The following CPNE4 variants were observed in gnomAD, a reference collection of about 807,000 sequenced individuals.
CPNE4 encodes the protein copine 4.
In CPNE4, 25 loss-of-function variants were observed where a neutral mutation model predicts 67.9. The observed-to-expected ratio is 0.37, with a 90% CI of 0.27 to 0.51. The LOEUF (loss-of-function observed/expected upper bound fraction) is 0.51. Ranked by LOEUF, CPNE4 falls within the 20% of genes least tolerant of loss-of-function variation. The pLI is 0.93. For synonymous variants in CPNE4, 242 were observed against 244.9 expected (o/e 0.99, Z 0.11); for missense variants, 464 against 690.8 (o/e 0.67, Z 3.68).
intron 7 of CPNE4, among the ~76,000 whole-genome samples, chr3:131,625,157 A>G (rs1223788196): frequency 6.6e-6 from 1 of 152,060 alleles, no homozygotes; most frequent in African/African-American, 2.4e-5. Context: ...TTTCTTATCT[A>G]AACAAAAGTT....
chr3:131,686,453 G>A (rs1030025662), intron 5 of CPNE4, among the ~76,000 whole-genome samples: 3 of 152,122 alleles, frequency 2.0e-5, no homozygotes, highest in African/African-American at 7.2e-5. Flanking sequence ...TTATTAAATA[G>A]TAGACAATGT....
At chr3:131,938,087 G>A (rs538535284) in intron 1 of CPNE4, among the ~76,000 whole-genome samples, 5 of 149,166 alleles carry the variant, frequency 3.4e-5, no homozygotes, top group African/African-American at 4.9e-5. Context: ...GTCAGGTGCG[G>A]TGGTTTACAG....
rs371204357 is a variant in CPNE4, at chr3:131,616,503, G to C, written c.682-28921C>G. ...CTTGCAAAATCTTCCCAAACTAGAG[G>C]TAACCCAAATTCCTCTGGATAAAAA... On this transcript the variant is annotated intron_variant, in intron 7 of 15. Coordinates refer to ENST00000429747, the MANE Select transcript of CPNE4 (RefSeq NM_130808.3). Among the ~76,000 whole-genome samples, 6 of 152,254 alleles carry C rather than the reference G, an allele frequency of 3.9e-5. No individual in the cohort carries two copies. The East Asian group carries it at 5.8e-4, about 15-fold the overall frequency.
intron 2 of CPNE4, among the ~76,000 whole-genome samples, chr3:131,894,867 T>C (rs1195750740): frequency 6.6e-6 from 1 of 151,944 alleles, no homozygotes; most frequent in African/African-American, 2.4e-5. Flanking sequence ...CAAGCATATA[T>C]CCAAAGAAAA....
At chr3:131,804,810 G>C (rs2084253501) in intron 2 of CPNE4, among the ~76,000 whole-genome samples, 1 of 152,222 alleles carries the variant, frequency 6.6e-6, no homozygotes, top group Non-Finnish European at 1.5e-5. Flanking sequence ...CAAGTGACAT[G>C]TGGCCCAGTC....
At chr3:132,030,223 A>T (rs1213617196) in intron 1 of CPNE4, among the ~76,000 whole-genome samples, 1 of 152,224 alleles carries the variant, frequency 6.6e-6, no homozygotes, top group African/African-American at 2.4e-5. Flanking sequence ...GAGTTTCTTT[A>T]TGAGGGGAGT....
chr3:132,012,896 A>G (rs1168125223), intron 1 of CPNE4, among the ~76,000 whole-genome samples: 1 of 152,164 alleles, frequency 6.6e-6, no homozygotes, highest in African/African-American at 2.4e-5. Context: ...ACCACCAAAG[A>G]GAAGGTCCTA....
intron 2 of CPNE4, among the ~76,000 whole-genome samples, chr3:131,897,638 G>T (rs2088389656): frequency 1.3e-5 from 2 of 152,218 alleles, no homozygotes; most frequent in Non-Finnish European, 2.9e-5. Context: ...GCTCACACCT[G>T]TAATCCCAGC....
intron 1 of CPNE4, among the ~76,000 whole-genome samples, chr3:132,019,053 T>C (rs1167247905): frequency 6.6e-6 from 1 of 152,158 alleles, no homozygotes; most frequent in Non-Finnish European, 1.5e-5. Flanking sequence ...TCTTCACATA[T>C]GGCATGGCTG....
rs1419958821 is a variant in CPNE4 at position 131,864,446 on chromosome 3, T to G, written c.180+40818A>C. Among the ~76,000 whole-genome samples, 20 of 152,150 alleles carry G rather than the reference T, an allele frequency of 1.3e-4. 1 individual carries two copies. The South Asian group carries it at 2.1e-3, about 16-fold the overall frequency. On this transcript the variant is annotated intron_variant, in intron 2 of 15. Coordinates refer to ENST00000429747, the MANE Select transcript of CPNE4 (RefSeq NM_130808.3). Reference sequence around the variant, plus strand: ...TGTTCCTTGTAAGTTGGATTCCTAGTTATTTTTTTTTCTTTGAAGCAATTG... The same window carrying G: ...TGTTCCTTGTAAGTTGGATTCCTAGGTATTTTTTTTTCTTTGAAGCAATTG...
Position 131,563,155 on chromosome 3 carries a change from G to A in CPNE4, c.1061+1061C>T, listed in dbSNP as rs75858943. Among the ~76,000 whole-genome samples, 544 of 152,120 alleles carry A rather than the reference G, an allele frequency of 3.6e-3. 1 individual carries two copies. The highest frequency in any genetic ancestry group is 5.3e-3 in the Non-Finnish European group (363 of 67,938). On this transcript the variant is annotated intron_variant, in intron 11 of 15. Coordinates refer to ENST00000429747, the MANE Select transcript of CPNE4 (RefSeq NM_130808.3). ...TGGTGTGGAGGATAACAGGTTTTTA[G>A]TATGATTATCACCAATTATGACACT... is the stretch of plus-strand genomic sequence containing the variant.
intron 2 of CPNE4, among the ~76,000 whole-genome samples, chr3:131,834,872 A>T (rs1416981878): frequency 6.6e-6 from 1 of 152,240 alleles, no homozygotes; most frequent in Admixed American, 6.5e-5. Flanking sequence ...TAAGAACAAC[A>T]TCTAGGTCTC....
chr3:131,894,443 G>C (rs2088238534), intron 2 of CPNE4, among the ~76,000 whole-genome samples: 1 of 151,896 alleles, frequency 6.6e-6, no homozygotes, highest in African/African-American at 2.4e-5. Context: ...ACAACTTACA[G>C]AATGGGGTAA....
At chr3:132,027,301 G>A (rs1214182640) in intron 1 of CPNE4, among the ~76,000 whole-genome samples, 2 of 152,164 alleles carry the variant, frequency 1.3e-5, no homozygotes, top group Non-Finnish European at 2.9e-5. Flanking sequence ...GCTTGAGCAA[G>A]TCACTTCACC....
intron 2 of CPNE4, among the ~76,000 whole-genome samples, chr3:131,731,359 A>G (rs1430160811): frequency 6.6e-6 from 1 of 152,162 alleles, no homozygotes; most frequent in Non-Finnish European, 1.5e-5. Context: ...ACCATCAGAG[A>G]GGTCTCAAGT....
At chr3:131,756,057 A>G (rs565052089) in intron 2 of CPNE4, among the ~76,000 whole-genome samples, 106 of 152,268 alleles carry the variant, frequency 7.0e-4, no homozygotes, top group Non-Finnish European at 1.2e-3. Context: ...CCAAGTGTTA[A>G]GCTAGGGTTT....
chr3:131,913,186 A>T (rs2089048188), intron 1 of CPNE4, among the ~76,000 whole-genome samples: 1 of 152,128 alleles, frequency 6.6e-6, no homozygotes, highest in Admixed American at 6.6e-5. Flanking sequence ...CAGTTGTCAC[A>T]CTGTCTCTCT....
At chr3:131,551,779 G>A (rs1300008079) in intron 13 of CPNE4, among the ~76,000 whole-genome samples, 4 of 151,970 alleles carry the variant, frequency 2.6e-5, no homozygotes, top group Non-Finnish European at 5.9e-5. Context: ...AGCAACATAG[G>A]TACTTGGCTC....
At chr3:131,916,129 A>AGG (rs1368494308) in intron 1 of CPNE4, among the ~76,000 whole-genome samples, 1 of 152,198 alleles carries the variant, frequency 6.6e-6, no homozygotes, top group Non-Finnish European at 1.5e-5. Flanking sequence ...AACGAGAGAG[A>AGG]AAAAGCAAAC....
Sources: allele counts gnomAD v4.1 joint callset (sites outside exome capture counted in the v4.1 genomes callset), GRCh38; gene constraint gnomAD v4.1.1; transcripts MANE v1.5; gene names NCBI Gene and HGNC (gene_info 2026-07-23, HGNC 2026-07-21).